Variants in ZCCHC14 observed in about 807,000 individuals in gnomAD.
The protein encoded by ZCCHC14 is zinc finger CCHC-type containing 14.
In ZCCHC14, 16 loss-of-function variants were observed where a neutral mutation model predicts 85.0. The observed-to-expected ratio is 0.19, with a 90% confidence interval of 0.13 to 0.29. ZCCHC14 has a LOEUF of 0.29. Ranked by LOEUF, ZCCHC14 falls within the 10% of genes least tolerant of loss-of-function variation. The pLI is 1.00. For synonymous variants in ZCCHC14, 775 were observed against 630.7 expected (o/e 1.23, Z -3.43); for missense variants, 1,303 against 1,443.5 (o/e 0.90, Z 1.58).
chr16:87,454,272 T>C (rs546126998), intron 2 of ZCCHC14, among the ~76,000 whole-genome samples: 66 of 152,308 alleles, frequency 4.3e-4, no homozygotes, highest in African/African-American at 1.5e-3. Flanking sequence ...AAGTTTCTGT[T>C]GTAGTGCAAA....
chr16:87,444,617 G>T (rs749969718), intron 2 of ZCCHC14, among the ~76,000 whole-genome samples: 5 of 152,190 alleles, frequency 3.3e-5, no homozygotes, highest in Non-Finnish European at 5.9e-5. Context: ...TGAGAGCAGC[G>T]TAGCATGTTC....
At chr16:87,484,614 C>T (rs1912430740) in intron 1 of ZCCHC14, among the ~76,000 whole-genome samples, 1 of 152,214 alleles carries the variant, frequency 6.6e-6, no homozygotes, top group South Asian at 2.1e-4. Context: ...TCTGGAAAGA[C>T]ACACACCAAC....
intron 2 of ZCCHC14, among the ~76,000 whole-genome samples, chr16:87,444,756 G>A (rs1275187205): frequency 6.6e-6 from 1 of 152,176 alleles, no homozygotes; most frequent in African/African-American, 2.4e-5. Flanking sequence ...AAGGGAAGAT[G>A]GAGGAGCAGC....
chr16:87,434,642 G>C (rs768412016), intron 2 of ZCCHC14, among the ~76,000 whole-genome samples: 1 of 152,212 alleles, frequency 6.6e-6, no homozygotes, highest in Non-Finnish European at 1.5e-5. Context: ...CCCTCTCCAC[G>C]GGCGCCAGTG....
chr16:87,462,694 C>T (rs990053943), intron 1 of ZCCHC14, among the ~76,000 whole-genome samples: 1 of 150,514 alleles, frequency 6.6e-6, no homozygotes. Flanking sequence ...GAGCCGAGAT[C>T]GCGCCCCAGC....
At chr16:87,424,634 C>G (rs1329763246) in intron 3 of ZCCHC14, among the ~76,000 whole-genome samples, 1 of 152,198 alleles carries the variant, frequency 6.6e-6, no homozygotes, top group African/African-American at 2.4e-5. Flanking sequence ...CAGCTCTCCC[C>G]TGGCTATCAC....
At chr16:87,428,626 G>A (rs1909493917) in intron 3 of ZCCHC14, among the ~76,000 whole-genome samples, 1 of 152,170 alleles carries the variant, frequency 6.6e-6, no homozygotes, top group Non-Finnish European at 1.5e-5. Flanking sequence ...CTGCTGTTCT[G>A]ATCTGAGGGC....
At chr16:87,438,862 A>C (rs1285678158) in intron 2 of ZCCHC14, among the ~76,000 whole-genome samples, 1 of 152,168 alleles carries the variant, frequency 6.6e-6, no homozygotes, top group East Asian at 1.9e-4. Context: ...AATGCAACTG[A>C]TTTATCTCCA....
chr16:87,424,307 G>A (rs577831815), intron 3 of ZCCHC14, among the ~76,000 whole-genome samples: 9 of 152,242 alleles, frequency 5.9e-5, no homozygotes, highest in Middle Eastern at 3.4e-3. Context: ...TGGTGCGCCC[G>A]CCCAGGTGCT....
At chr16:87,411,428 G>A in intron 12 of ZCCHC14, 88 bp downstream of exon 12, 1 of 1,547,844 alleles carries the variant, frequency 6.5e-7, no homozygotes, top group African/African-American at 1.4e-5. Flanking sequence ...GCTTTACAAA[G>A]AAAGAAGTTT....
chr16:87,419,009 A>G (rs1908946136), intron 6 of ZCCHC14, 108 bp from the exon 7 acceptor site: 7 of 1,060,030 alleles, frequency 6.6e-6, no homozygotes, highest in Non-Finnish European at 9.4e-6. Flanking sequence ...CAGGCTGGAG[A>G]GCAATGGTGC....
At chr16:87,414,573 G>A in intron 9 of ZCCHC14, 32 bp from the exon 10 acceptor site, 1 of 1,593,214 alleles carries the variant, frequency 6.3e-7, no homozygotes, top group East Asian at 2.2e-5. Context: ...GAACAAGTGA[G>A]CACTGCCTAC....
intron 2 of ZCCHC14, among the ~76,000 whole-genome samples, chr16:87,447,041 G>T (rs1468263794): frequency 1.3e-5 from 2 of 152,106 alleles, no homozygotes; most frequent in African/African-American, 4.8e-5. Context: ...TACCACATGA[G>T]AATTTTCACA....
intron 2 of ZCCHC14, among the ~76,000 whole-genome samples, chr16:87,455,955 G>A (rs762974608): frequency 1.3e-5 from 2 of 152,202 alleles, no homozygotes; most frequent in Non-Finnish European, 2.9e-5. Context: ...TGTGTAGCAG[G>A]TGTGGTGTAT....
chr16:87,412,775 G>A lies in ZCCHC14; in HGVS notation c.1946C>T (p.Ser649Phe), dbSNP rs181148416. 6.2e-7 allele frequency: 1 copy of A among 1,614,020 alleles called. No homozygotes were observed. The highest frequency in any genetic ancestry group is 8.5e-7 in the Non-Finnish European group (1 of 1,179,916). ...GCTCCCTCTTTCCGGCTTGTGCACG[G>A]AATTCAGCATGCGGATGGGTGTGAT... ...SHITPIRMLN[S>F]VHKPERGSAD... is the part of the protein sequence containing the mutation. Residue 649 changes from serine (S) to phenylalanine (F), a missense_variant, in exon 12 of 13, where the codon TCC (serine) becomes TTC (phenylalanine). Physicochemically the swap from Ser to Phe is radical, Grantham distance 155. Around this residue, in one of 7 missense-constraint regions of ZCCHC14, gnomAD observed 797 missense variants for 730.8 expected, o/e 1.09. Transcript: ENST00000671377.
rs1912849962 is a variant in ZCCHC14 at position 87,492,930 on chromosome 16, C to T, written c.-692G>A. On this transcript the variant is annotated 5_prime_UTR_variant, in exon 1 of 13. Coordinates refer to ENST00000671377, the MANE Select transcript of ZCCHC14 (RefSeq NM_015144.3). This position sits in a 1 kb window ranked among gnomAD's most constrained non-coding sequence, Gnocchi z 6.7. ...AGCGCGGCGGCGGCGGCGACGGCGACGGCGACGGCGACGGCGACGGCGGAG... is the reference window on the plus strand; with the variant it reads ...AGCGCGGCGGCGGCGGCGACGGCGATGGCGACGGCGACGGCGACGGCGGAG... 7.0e-6 allele frequency among the ~76,000 whole-genome samples: 1 copy of T among 143,016 alleles called. No homozygotes were observed. Among genetic ancestry groups the T allele is most frequent in the African/African-American group, 2.8e-5 (1 of 35,544 alleles). 93.8% of individuals were successfully genotyped at this position (143,016 alleles called of 152,430 possible). A position where few individuals can be genotyped will look rare whatever the true frequency, so the allele number is the denominator to read the frequency against.
intron 1 of ZCCHC14, among the ~76,000 whole-genome samples, chr16:87,485,615 A>C (rs1412171767): frequency 6.6e-6 from 1 of 151,490 alleles, no homozygotes; most frequent in Non-Finnish European, 1.5e-5. Flanking sequence ...AAAGAAGAAG[A>C]ATCTTTTTCT....
rs1908196799 is a variant in ZCCHC14 at position 87,406,248 on chromosome 16, G to GA, written c.*4031_*4032insT. 3 of 152,338 alleles carry GA rather than the reference G, an allele frequency of 2.0e-5. No individual in the cohort carries two copies. The highest frequency in any genetic ancestry group is 7.2e-5 in the African/African-American group (3 of 41,386). 9.4% of individuals were successfully genotyped at this position (152,338 alleles called of 1,614,324 possible). On this transcript the variant is annotated 3_prime_UTR_variant, in exon 13 of 13. Coordinates refer to ENST00000671377, the MANE Select transcript of ZCCHC14 (RefSeq NM_015144.3). Reference sequence around the variant, plus strand: ...GACAAAGACCTAGTGAAATAAAACAGCCTTTTTTAAAATTTTTATTTTCAG... The same window carrying GA: ...GACAAAGACCTAGTGAAATAAAACAGACCTTTTTTAAAATTTTTATTTTCAG...
chr16:87,429,716 C>T (rs1372422793), intron 3 of ZCCHC14, among the ~76,000 whole-genome samples: 1 of 152,210 alleles, frequency 6.6e-6, no homozygotes, highest in African/African-American at 2.4e-5. Context: ...AAGCAATTCT[C>T]CTGCCTCAGC....
Sources: gnomAD v4.1 joint callset for allele counts (sites outside exome capture counted in the v4.1 genomes callset) on GRCh38, gnomAD v4.1.1 for gene constraint, gnomAD v4.1.1 regional missense constraint, Gnocchi (gnomAD v3.1) non-coding constraint, MANE v1.5 for transcripts, NCBI Gene and HGNC (gene_info 2026-07-23, HGNC 2026-07-21) for gene names.